Variants in INPP4B observed in about 807,000 individuals in gnomAD.
INPP4B encodes inositol polyphosphate-4-phosphatase type II B.
INPP4B carries 55 observed loss-of-function variants against 122.5 expected under a neutral mutation model. The observed-to-expected ratio is 0.45, with a 90% CI of 0.36 to 0.56. The LOEUF is 0.56. Among genes scored for constraint, INPP4B ranks in the 20% least tolerant of loss-of-function variants. The pLI, the probability that INPP4B is intolerant of heterozygous loss-of-function variation, is 0.00. For missense variants in INPP4B, 1,000 were observed against 1,097.7 expected (o/e 0.91, Z 1.26); for synonymous variants, 403 against 388.7 (o/e 1.04, Z -0.43).
intron 12 of INPP4B, among the ~76,000 whole-genome samples, chr4:142,223,630 T>G (rs1850307232): frequency 6.6e-6 from 1 of 152,188 alleles, no homozygotes. Context: ...CATTAAGTGA[T>G]ACCAGGAATC....
chr4:142,692,455 C>T (rs572209482), intron 2 of INPP4B, among the ~76,000 whole-genome samples: 1 of 152,114 alleles, frequency 6.6e-6, no homozygotes, highest in Admixed American at 6.6e-5. Context: ...AACCCTAGCA[C>T]TTTATGAGGC....
intron 1 of INPP4B, among the ~76,000 whole-genome samples, chr4:142,805,906 G>A (rs1239955980): frequency 6.6e-6 from 1 of 152,112 alleles, no homozygotes; most frequent in East Asian, 1.9e-4. Context: ...CATTGTTCAA[G>A]GCTCAACTGT....
intron 12 of INPP4B, among the ~76,000 whole-genome samples, chr4:142,228,933 T>G (rs1852844997): frequency 6.6e-6 from 1 of 151,600 alleles, no homozygotes; most frequent in Non-Finnish European, 1.5e-5. Context: ...AACTATAATT[T>G]TAAAAAGTAA....
chr4:142,567,153 G>A (rs1236895703), intron 2 of INPP4B, among the ~76,000 whole-genome samples: 2 of 152,228 alleles, frequency 1.3e-5, no homozygotes, highest in Non-Finnish European at 2.9e-5. Context: ...GCAGTCAGGA[G>A]CTAGAGTTTT....
In INPP4B at chr4:142,028,828, T is replaced by C. The variant is rs1472984655; in HGVS notation, c.2729A>G (p.Lys910Arg). Residue 910 changes from lysine to arginine, a missense_variant, in exon 26 of 26, where the codon AAG (lysine) becomes AGG (arginine). Lys to Arg is a conservative substitution (Grantham distance 26). Transcript: ENST00000262992. ...AGTCCCCTCTGGAGGTCTGTAGTAC[T>C]TGGGGAAAGCCATCAGCTGTAGCAT... ...FNMLQLMAFPKYYRPPEGTYG... is the reference protein window; with the variant it reads ...FNMLQLMAFPRYYRPPEGTYG... 1.9e-6 allele frequency: 3 copies of C among 1,613,616 alleles called. 1 individual carries two copies. The highest frequency in any genetic ancestry group is 2.2e-5 in the South Asian group (2 of 91,056).
chr4:142,334,779 C>T (rs1018068379), intron 7 of INPP4B, among the ~76,000 whole-genome samples: 1 of 151,952 alleles, frequency 6.6e-6, no homozygotes. Flanking sequence ...GGGTCCTTTG[C>T]CCTTTCTTGA....
At chr4:142,619,638 T>C (rs1281467879) in intron 2 of INPP4B, among the ~76,000 whole-genome samples, 1 of 151,984 alleles carries the variant, frequency 6.6e-6, no homozygotes, top group Non-Finnish European at 1.5e-5. Context: ...TGCTATCCAA[T>C]AGGAGTAAGG....
At chr4:142,521,433 C>A (rs1431117229) in intron 2 of INPP4B, among the ~76,000 whole-genome samples, 1 of 151,854 alleles carries the variant, frequency 6.6e-6, no homozygotes, top group Non-Finnish European at 1.5e-5. Context: ...CATGAAAAAC[C>A]TTTGTTAAAT....
At chr4:142,675,302 G>A (rs1757585594) in intron 2 of INPP4B, among the ~76,000 whole-genome samples, 1 of 152,146 alleles carries the variant, frequency 6.6e-6, no homozygotes, top group Non-Finnish European at 1.5e-5. Flanking sequence ...AAACTAGGAA[G>A]AAGGCGATTC....
At chr4:142,064,965 G>A (rs993066150) in intron 25 of INPP4B, among the ~76,000 whole-genome samples, 1 of 152,076 alleles carries the variant, frequency 6.6e-6, no homozygotes, top group Non-Finnish European at 1.5e-5. Flanking sequence ...TAAGAAAACA[G>A]ATATTTTGCA....
At position 142,066,504 on chromosome 4, in the gene INPP4B, C is replaced by A. The variant is rs1578781129; in HGVS notation, c.2642+15527G>T. 2.0e-5 allele frequency among the ~76,000 whole-genome samples: 3 copies of A among 152,274 alleles called. No individual in the cohort carries two copies. The East Asian group carries it at 5.8e-4, about 29-fold the overall frequency. ...GTTCTGGGAAGGGCCTGAGAATGTG[C>A]ATTTCTAACAAGTTCTTGGATGATG... On this transcript the variant is annotated intron_variant, in intron 25 of 25. Transcript: ENST00000262992.
chr4:142,274,863 T>C (rs2636647), intron 9 of INPP4B, among the ~76,000 whole-genome samples: 115,249 of 151,598 alleles, frequency 0.76, 45,095 homozygotes, highest in East Asian at 0.93. Context: ...AAGTAAAAGA[T>C]AAGCAGTTCA....
chr4:142,620,584 A>G (rs931096951), intron 2 of INPP4B, among the ~76,000 whole-genome samples: 1 of 152,000 alleles, frequency 6.6e-6, no homozygotes, highest in Non-Finnish European at 1.5e-5. Context: ...ATGAAATAGT[A>G]TGTACAACAA....
intron 9 of INPP4B, among the ~76,000 whole-genome samples, chr4:142,281,236 A>G (rs1751055518): frequency 6.6e-6 from 1 of 151,856 alleles, no homozygotes; most frequent in African/African-American, 2.4e-5. Context: ...GAGGTTATAG[A>G]TAGATGACTG....
intron 7 of INPP4B, among the ~76,000 whole-genome samples, chr4:142,315,789 G>C (rs1176237135): frequency 6.6e-6 from 1 of 151,516 alleles, no homozygotes; most frequent in Non-Finnish European, 1.5e-5. Context: ...TGTCTACTTG[G>C]AGAGAAAGGG....
intron 12 of INPP4B, among the ~76,000 whole-genome samples, chr4:142,213,759 G>T (rs138384667): frequency 4.6e-5 from 7 of 152,234 alleles, no homozygotes; most frequent in Non-Finnish European, 8.8e-5. Flanking sequence ...TACATGAAGC[G>T]AATACCAAGT....
At chr4:142,318,833 T>G (rs912775596) in intron 7 of INPP4B, among the ~76,000 whole-genome samples, 1 of 152,228 alleles carries the variant, frequency 6.6e-6, no homozygotes, top group Non-Finnish European at 1.5e-5. Context: ...CACTCTTTCA[T>G]GGAATTCCTA....
intron 23 of INPP4B, among the ~76,000 whole-genome samples, chr4:142,104,156 A>G (rs1561128740): frequency 6.6e-6 from 1 of 152,034 alleles, no homozygotes; most frequent in Admixed American, 6.6e-5. Context: ...AAGGACAGAT[A>G]ATTTAGCTGT....
intron 2 of INPP4B, among the ~76,000 whole-genome samples, chr4:142,696,717 C>T (rs147045212): frequency 3.3e-4 from 51 of 152,318 alleles, no homozygotes; most frequent in African/African-American, 1.2e-3. Context: ...CCATCGACTT[C>T]TGATCCTAAT....
Sources: gnomAD v4.1 joint callset for allele counts (sites outside exome capture counted in the v4.1 genomes callset) on GRCh38, gnomAD v4.1.1 for gene constraint, MANE v1.5 for transcripts, NCBI Gene and HGNC (gene_info 2026-07-23, HGNC 2026-07-21) for gene names.